Variants in ZNF292 observed in about 807,000 individuals in gnomAD.
The protein encoded by ZNF292 is 16 zinc-finger domain protein.
Under a neutral mutation model 217.9 loss-of-function variants are expected in ZNF292, and 26 were observed. The observed-to-expected ratio is 0.12, with a 90% confidence interval of 0.09 to 0.17. ZNF292 has a LOEUF of 0.17. ZNF292 is among the 10% of genes least tolerant of loss of function. ZNF292 has a pLI of 1.00. For synonymous variants in ZNF292, 1,257 were observed against 1,124.1 expected (o/e 1.12, Z -2.37); for missense variants, 2,904 against 3,175.2 (o/e 0.91, Z 2.05).
rs368647343 is a variant in ZNF292 at position 87,255,547 on chromosome 6, C to A, written c.1918C>A (p.Leu640Ile). 3 of 1,611,216 alleles carry A rather than the reference C, an allele frequency of 1.9e-6. No homozygotes were observed. Among genetic ancestry groups the A allele is most frequent in the Non-Finnish European group, 2.5e-6 (3 of 1,178,496 alleles). Residue 640 changes from leucine (L) to isoleucine (I), a missense_variant, in exon 8 of 8, where the codon CTC becomes ATC. Around this residue, in one of 15 missense-constraint regions of ZNF292, gnomAD observed 216 missense variants for 308.3 expected, o/e 0.70. Transcript: ENST00000369577. ...GCAGCGACCTATAAAAAAGAATAGT[C>A]TCTATTCAACAGATTTTATAGTGTT... ...QEQRPIKKNSLYSTDFIVFND... is the reference protein window; with the variant it reads ...QEQRPIKKNSIYSTDFIVFND...
In ZNF292 at chr6:87,264,673, C is replaced by T. The variant is rs1775756314; in HGVS notation, c.*2872C>T. Among the ~76,000 whole-genome samples, 1 of 152,058 alleles carries T rather than the reference C, an allele frequency of 6.6e-6. No individual in the cohort carries two copies. The highest frequency in any genetic ancestry group is 2.1e-4 in the South Asian group (1 of 4,818). ...CGTAATTGCGGTATTGCCAGTGGGC[C>T]ACTTGGAAAGATAGGAAGTTGAAGA... On this transcript the variant is annotated 3_prime_UTR_variant, in exon 8 of 8. Coordinates refer to ENST00000369577, the MANE Select transcript of ZNF292 (RefSeq NM_015021.3).
At position 87,216,050 on chromosome 6, in the gene ZNF292, T is replaced by C; in HGVS notation, c.316T>C (p.Leu106=). The C allele has an allele frequency of 6.4e-7, 1 of 1,556,652 alleles. No individual in the cohort carries two copies. Among genetic ancestry groups the C allele is most frequent in the Non-Finnish European group, 8.6e-7 (1 of 1,158,664 alleles). Reference sequence around the variant, plus strand: ...AAATGTAGCCTTGGTTCTGGAACGCTTGGCATTGTGAGTAGACCTTTGAGT... The same window carrying C: ...AAATGTAGCCTTGGTTCTGGAACGCCTGGCATTGTGAGTAGACCTTTGAGT... ...CENVALVLER[L]ALSCVELLLC... is the part of the protein sequence containing the mutation. The change falls in exon 2 of 8, where the codon TTG becomes CTG. Residue 106 remains leucine (L), a synonymous_variant. Coordinates refer to ENST00000369577, the MANE Select transcript of ZNF292 (RefSeq NM_015021.3).
At chr6:87,247,273 A>ACACC (rs1774646263) in intron 7 of ZNF292, among the ~76,000 whole-genome samples, 1 of 118,812 alleles carries the variant, frequency 8.4e-6, no homozygotes, top group South Asian at 2.8e-4. Flanking sequence ...CACCCGCAAC[A>ACACC]CACACACATG....
At chr6:87,251,624 G>A (rs1582505875) in intron 7 of ZNF292, among the ~76,000 whole-genome samples, 1 of 152,150 alleles carries the variant, frequency 6.6e-6, no homozygotes, top group African/African-American at 2.4e-5. Flanking sequence ...GAATTAAATA[G>A]ATTTTTATGG....
At chr6:87,235,549 G>C (rs1286075320) in intron 5 of ZNF292, among the ~76,000 whole-genome samples, 1 of 150,886 alleles carries the variant, frequency 6.6e-6, no homozygotes, top group South Asian at 2.1e-4. Flanking sequence ...GTGAATCTGT[G>C]TCTCAAGTAA....
chr6:87,221,631 C>CT (rs1222918787), intron 4 of ZNF292, among the ~76,000 whole-genome samples: 5 of 152,188 alleles, frequency 3.3e-5, no homozygotes, highest in African/African-American at 1.2e-4. Context: ...TACACTTAGT[C>CT]TTCTTTTCTT....
At chr6:87,243,386 C>A in intron 5 of ZNF292, 89 bp from the exon 6 acceptor site, 4 of 1,098,270 alleles carry the variant, frequency 3.6e-6, no homozygotes, top group Non-Finnish European at 4.8e-6. Flanking sequence ...TAAAAACTAT[C>A]TAAATATTTA....
At chr6:87,169,741 G>C (rs1771037566) in intron 1 of ZNF292, 1 of 436,164 alleles carries the variant, frequency 2.3e-6, no homozygotes, top group South Asian at 1.6e-5. Flanking sequence ...CCACCTCCCG[G>C]GCTCAAGTGA....
At chr6:87,158,206 A>G (rs1770609603) in intron 1 of ZNF292, among the ~76,000 whole-genome samples, 1 of 152,248 alleles carries the variant, frequency 6.6e-6, no homozygotes, top group African/African-American at 2.4e-5. Flanking sequence ...CATACACTGT[A>G]AGCTCAGAAT....
Position 87,159,500 on chromosome 6 carries a change from T to C in ZNF292, c.168+3741T>C, listed in dbSNP as rs868425268. ...GTCTCAGCTTTCTTTTCTTTCTTTT[T>C]TTTTTTTTTTTTTTTTAAAAAAGAT... On this transcript the variant is annotated intron_variant, in intron 1 of 7. Coordinates refer to ENST00000369577, the MANE Select transcript of ZNF292 (RefSeq NM_015021.3). Among the ~76,000 whole-genome samples the C allele has an allele frequency of 3.0e-3, 433 of 142,910 alleles. 4 individuals carry two copies. The highest frequency in any genetic ancestry group is 9.2e-3 in the African/African-American group (344 of 37,262). 93.8% of individuals were successfully genotyped at this position (142,910 alleles called of 152,430 possible).
chr6:87,192,688 CTTCG>C (rs1771852639), intron 1 of ZNF292, among the ~76,000 whole-genome samples: 1 of 152,152 alleles, frequency 6.6e-6, no homozygotes, highest in South Asian at 2.1e-4. Context: ...GAATTATATA[CTTCG>C]TTGCATTTAA....
rs1416979901 is a variant in ZNF292, at chr6:87,262,052, C to G, written c.*251C>G. The G allele has an allele frequency of 3.7e-6, 1 of 268,370 alleles. No individual in the cohort carries two copies. The highest frequency in any genetic ancestry group is 6.7e-5 in the East Asian group (1 of 14,842). 16.6% of individuals were successfully genotyped at this position (268,370 alleles called of 1,614,324 possible). ...GAGCTAAACCTCAAATTTCTATCAC[C>G]CAGTTGCCCTTTTCATGAACTAAAC... On this transcript the variant is annotated 3_prime_UTR_variant, in exon 8 of 8. Transcript: ENST00000369577.
intron 7 of ZNF292, chr6:87,249,305 T>G (rs1007958468): frequency 2.2e-5 from 7 of 319,014 alleles, no homozygotes; most frequent in African/African-American, 4.4e-5. Context: ...TTTTTTATTT[T>G]TTGTAGAGAT....
At position 87,243,558 on chromosome 6, in the gene ZNF292, A is replaced by G; in HGVS notation, c.825A>G (p.Leu275=). ...SEGDEKSALV[L]CTAFLSRQLQ... ...GTGATGAAAAAAGCGCTCTTGTTTT[A>G]TGTACTGCGTTTTTGTCACGTCAGC... The change falls in exon 6 of 8, where the codon TTA becomes TTG. Residue 275 remains leucine, a synonymous_variant. Transcript: ENST00000369577. 6.4e-7 allele frequency: 1 copy of G among 1,559,552 alleles called. No individual in the cohort carries two copies. The highest frequency in any genetic ancestry group is 8.7e-7 in the Non-Finnish European group (1 of 1,150,576).
At chr6:87,238,656 A>G (rs1375890051) in intron 5 of ZNF292, among the ~76,000 whole-genome samples, 14 of 130,938 alleles carry the variant, frequency 1.1e-4, no homozygotes, top group Middle Eastern at 7.6e-3. Flanking sequence ...TTATTTTTTT[A>G]TTTTTTTATT....
chr6:87,200,763 G>T (rs1177304945), intron 1 of ZNF292, among the ~76,000 whole-genome samples: 1 of 152,174 alleles, frequency 6.6e-6, no homozygotes, highest in Non-Finnish European at 1.5e-5. Flanking sequence ...TGGAGATTGT[G>T]TTATAGCATC....
chr6:87,178,824 T>C (rs1215953792), intron 1 of ZNF292, among the ~76,000 whole-genome samples: 1 of 152,194 alleles, frequency 6.6e-6, no homozygotes, highest in East Asian at 1.9e-4. Flanking sequence ...AAGTTTGCTT[T>C]AGGGTACTAA....
At chr6:87,239,899 C>G (rs1460151479) in intron 5 of ZNF292, among the ~76,000 whole-genome samples, 1 of 151,642 alleles carries the variant, frequency 6.6e-6, no homozygotes, top group African/African-American at 2.4e-5. Flanking sequence ...CTCCTCACAT[C>G]CCAGACGATG....
chr6:87,215,374 GTCTT>G (rs1267319667), intron 1 of ZNF292, among the ~76,000 whole-genome samples: 3 of 151,924 alleles, frequency 2.0e-5, no homozygotes, highest in African/African-American at 7.3e-5. Flanking sequence ...TATGTTGAAA[GTCTT>G]TGGATGACTT....
Sources: allele counts gnomAD v4.1 joint callset (sites outside exome capture counted in the v4.1 genomes callset), GRCh38; gene constraint gnomAD v4.1.1; regional missense constraint gnomAD v4.1.1; transcripts MANE v1.5; gene names NCBI Gene and HGNC (gene_info 2026-07-23, HGNC 2026-07-21).